The following TRAK1 variants were observed in gnomAD, a reference collection of about 807,000 sequenced individuals.
The protein encoded by TRAK1 is trafficking kinesin protein 1.
A neutral mutation model predicts 92.1 loss-of-function variants in TRAK1; 33 were observed. That is an observed-to-expected ratio of 0.36 (90% confidence interval 0.27 to 0.48). The LOEUF (loss-of-function observed/expected upper bound fraction) is 0.48. Ranked by LOEUF, TRAK1 falls within the 20% of genes least tolerant of loss-of-function variation. The pLI is 0.99. For missense variants in TRAK1, 1,123 were observed against 1,257.9 expected (o/e 0.89, Z 1.62); for synonymous variants, 521 against 517.3 (o/e 1.01, Z -0.10).
intron 2 of TRAK1, among the ~76,000 whole-genome samples, chr3:42,138,147 G>A (rs1698180365): frequency 6.6e-6 from 1 of 152,174 alleles, no homozygotes; most frequent in Non-Finnish European, 1.5e-5. Flanking sequence ...GCTTTCAGGT[G>A]ATAATGTAGG....
chr3:42,072,169 G>A (rs576621745), intron 1 of TRAK1, among the ~76,000 whole-genome samples: 9 of 152,150 alleles, frequency 5.9e-5, no homozygotes, highest in Admixed American at 5.2e-4. Flanking sequence ...CAGCAAGCCC[G>A]TTGGCCTGGT....
At chr3:42,110,285 AG>A (rs1219497114) in intron 1 of TRAK1, among the ~76,000 whole-genome samples, 1 of 150,734 alleles carries the variant, frequency 6.6e-6, no homozygotes, top group Non-Finnish European at 1.5e-5. Context: ...CAAACAATAG[AG>A]GGAAAGGCTG....
intron 14 of TRAK1, chr3:42,218,527 T>C (rs1451127580): frequency 8.1e-6 from 8 of 983,972 alleles, no homozygotes; most frequent in Non-Finnish European, 9.7e-6. Flanking sequence ...TTTATTTTAT[T>C]ATTATTTTTT....
chr3:42,073,674 G>T (rs1344792884), intron 1 of TRAK1, among the ~76,000 whole-genome samples: 2 of 152,158 alleles, frequency 1.3e-5, no homozygotes, highest in Non-Finnish European at 2.9e-5. Flanking sequence ...ACCTGGCATT[G>T]TTGCTGTAAA....
chr3:42,150,716 A>G (rs1420422561), intron 2 of TRAK1, among the ~76,000 whole-genome samples: 1 of 152,182 alleles, frequency 6.6e-6, no homozygotes, highest in East Asian at 1.9e-4. Context: ...CTGTGGGTTA[A>G]GGCTTTCTCA....
At chr3:42,206,480 T>G (rs1169042587) in intron 13 of TRAK1, among the ~76,000 whole-genome samples, 2 of 152,234 alleles carry the variant, frequency 1.3e-5, no homozygotes, top group Non-Finnish European at 2.9e-5. Context: ...CAGCCTTGGT[T>G]TCAGTCCCAG....
At chr3:42,162,018 A>G (rs1701331613) in intron 2 of TRAK1, among the ~76,000 whole-genome samples, 1 of 152,142 alleles carries the variant, frequency 6.6e-6, no homozygotes, top group African/African-American at 2.4e-5. Flanking sequence ...GAAATGCAGA[A>G]CCTTAGGCCC....
At chr3:42,143,900 C>G (rs1699009916) in intron 2 of TRAK1, among the ~76,000 whole-genome samples, 1 of 152,194 alleles carries the variant, frequency 6.6e-6, no homozygotes, top group Non-Finnish European at 1.5e-5. Flanking sequence ...ATATGAAATA[C>G]TTTTGGTGTA....
rs68023368 is a variant in TRAK1, at chr3:42,191,895, A to ATTTTTTTTTTTTTTTT, written c.769+267_769+282dup. On this transcript the variant is annotated intron_variant, in intron 7 of 15. Coordinates refer to ENST00000327628, the MANE Select transcript of TRAK1 (RefSeq NM_001042646.3). ...TTTGGCTTTATACTGGAATATTGGAATTTTTTTTTTTTTTTTTTTTTTTGA... is the reference window on the plus strand; with the variant it reads ...TTTGGCTTTATACTGGAATATTGGAATTTTTTTTTTTTTTTTTTTTTTTTTTTTTTTTTTTTTTTGA... Among the ~76,000 whole-genome samples the ATTTTTTTTTTTTTTTT allele has an allele frequency of 1.6e-4, 12 of 72,764 alleles. 1 individual carries two copies. Among genetic ancestry groups the ATTTTTTTTTTTTTTTT allele is most frequent in the African/African-American group, 5.2e-4 (9 of 17,238 alleles). 47.7% of individuals were successfully genotyped at this position (72,764 alleles called of 152,430 possible). A position where few individuals can be genotyped will look rare whatever the true frequency, so the allele number is the denominator to read the frequency against.
intron 1 of TRAK1, among the ~76,000 whole-genome samples, chr3:42,113,326 C>T (rs1708708836): frequency 6.6e-6 from 1 of 150,540 alleles, no homozygotes; most frequent in Admixed American, 6.6e-5. Context: ...CTACTCTACT[C>T]TCTACTCTCT....
intron 1 of TRAK1, among the ~76,000 whole-genome samples, chr3:42,068,386 G>A (rs1023796779): frequency 1.3e-5 from 2 of 152,110 alleles, no homozygotes; most frequent in East Asian, 1.9e-4. Flanking sequence ...GGCTGGTCTC[G>A]AACTTTTGGC....
chr3:42,134,770 G>A lies in TRAK1; in HGVS notation c.286+9156G>A, dbSNP rs186695694. The stretch of plus-strand genomic sequence containing the variant: ...ATTTTTTTGTATTTTTAGTAGAGAC[G>A]GGGTTTCACTGTGTTAGCCAGGATG... On this transcript the variant is annotated intron_variant, in intron 2 of 15. Coordinates refer to ENST00000327628, the MANE Select transcript of TRAK1 (RefSeq NM_001042646.3). Among the ~76,000 whole-genome samples the A allele has an allele frequency of 8.6e-5, 13 of 150,984 alleles. No individual in the cohort carries two copies. The East Asian group carries it at 1.2e-3, about 14-fold the overall frequency.
At chr3:42,078,756 A>AAAC (rs1464721795) in intron 1 of TRAK1, among the ~76,000 whole-genome samples, 20 of 112,390 alleles carry the variant, frequency 1.8e-4, no homozygotes, top group Middle Eastern at 4.5e-3. Context: ...CCATCTCAAA[A>AAAC]AAAAAAAAAA....
chr3:42,070,260 T>A (rs565251318), intron 1 of TRAK1, among the ~76,000 whole-genome samples: 135 of 147,604 alleles, frequency 9.1e-4, no homozygotes, highest in African/African-American at 3.1e-3. Flanking sequence ...TTATTATAAT[T>A]ATAATAATTA....
At chr3:42,021,835 A>G (rs962318146) in intron 1 of TRAK1, among the ~76,000 whole-genome samples, 1 of 152,098 alleles carries the variant, frequency 6.6e-6, no homozygotes, top group Non-Finnish European at 1.5e-5. Flanking sequence ...GGCCTCCCAA[A>G]GTGCTGGGAT....
chr3:42,215,931 G>T (rs1308829425), intron 14 of TRAK1, among the ~76,000 whole-genome samples: 1 of 152,114 alleles, frequency 6.6e-6, no homozygotes, highest in Admixed American at 6.6e-5. Context: ...CTCATGTGAG[G>T]GTTCTTTTAA....
intron 1 of TRAK1, among the ~76,000 whole-genome samples, chr3:42,099,363 G>A (rs572223776): frequency 1.9e-4 from 29 of 152,236 alleles, no homozygotes; most frequent in Admixed American, 7.8e-4. Context: ...GAGAGGGGGA[G>A]GTGGCCCAAG....
chr3:42,178,214 T>C (rs2149368235), intron 3 of TRAK1, among the ~76,000 whole-genome samples: 1 of 152,172 alleles, frequency 6.6e-6, no homozygotes, highest in East Asian at 1.9e-4. Flanking sequence ...CTCAAGCTCT[T>C]GGGGCCTCAG....
At chr3:42,097,935 A>C (rs957177692) in intron 1 of TRAK1, among the ~76,000 whole-genome samples, 5 of 152,210 alleles carry the variant, frequency 3.3e-5, no homozygotes, top group African/African-American at 1.2e-4. Context: ...ACTGACAACT[A>C]TGTGAACACC....
Sources: gnomAD v4.1 joint callset for allele counts (sites outside exome capture counted in the v4.1 genomes callset) on GRCh38, gnomAD v4.1.1 for gene constraint, MANE v1.5 for transcripts, NCBI Gene and HGNC (gene_info 2026-07-23, HGNC 2026-07-21) for gene names.